The following CASK variants were observed in gnomAD, a reference collection of about 807,000 sequenced individuals.
CASK encodes the protein peripheral plasma membrane protein CASK.
In CASK, 4 loss-of-function variants were observed where a neutral mutation model predicts 82.9. The observed-to-expected ratio is 0.05, with a 90% CI of 0.02 to 0.11. The LOEUF is 0.11. Among genes scored for constraint, CASK ranks in the 10% least tolerant of loss-of-function variants. CASK has a pLI of 1.00. For missense variants in CASK, 358 were observed against 720.9 expected, an observed-to-expected ratio of 0.50 and a Z score of 5.76; for synonymous variants, 259 against 253.5, an observed-to-expected ratio of 1.02 and a Z score of -0.20.
chrX:41,693,638 C>G (rs1171153215), intron 5 of CASK, among the ~76,000 whole-genome samples: 1 of 111,336 alleles, frequency 9.0e-6, no homozygotes, highest in Non-Finnish European at 1.9e-5. Flanking sequence ...AACAAACAAA[C>G]AAACAAAAAC....
chrX:41,629,184 G>C (rs1026724270), intron 9 of CASK, among the ~76,000 whole-genome samples: 3 of 110,423 alleles, frequency 2.7e-5, no homozygotes, highest in African/African-American at 9.9e-5. Flanking sequence ...TCACTATATT[G>C]CTCAGGCTAG....
intron 19 of CASK, 32 bp from the exon 20 acceptor site, chrX:41,555,667 T>A: frequency 1.8e-6 from 2 of 1,113,335 alleles, no homozygotes; most frequent in Non-Finnish European, 2.5e-6. Flanking sequence ...GGAGAAAAAT[T>A]TTCATTTATT....
intron 5 of CASK, 113 bp downstream of exon 5, chrX:41,739,271 A>G (rs1166417419): frequency 5.6e-6 from 3 of 532,338 alleles, no homozygotes; most frequent in Non-Finnish European, 6.5e-6. Flanking sequence ...ATTTTTACTT[A>G]GAAGTAAAAT....
intron 3 of CASK, among the ~76,000 whole-genome samples, chrX:41,781,901 ATAAC>A (rs1487398549): frequency 1.1e-4 from 12 of 111,996 alleles, no homozygotes; most frequent in African/African-American, 3.2e-4. Context: ...CTTTTGAGAA[ATAAC>A]TAAGTTATTT....
intron 1 of CASK, among the ~76,000 whole-genome samples, chrX:41,898,651 C>T (rs1409315473): frequency 9.0e-6 from 1 of 111,571 alleles, no homozygotes; most frequent in Non-Finnish European, 1.9e-5. Flanking sequence ...TTTTCATTTG[C>T]CTCAAGATTT....
chrX:41,617,273 C>T (rs1382943275), intron 11 of CASK, among the ~76,000 whole-genome samples: 1 of 112,196 alleles, frequency 8.9e-6, no homozygotes, highest in Non-Finnish European at 1.9e-5. Flanking sequence ...CTCCTTGGAT[C>T]TGTCACCTCT....
At position 41,534,980 on chromosome X, in the gene CASK, C is replaced by A; in HGVS notation, c.2156-7G>T. ...AGATCTAATTGATCAAACACTAAAA[C>A]GCAAAGATTTAGAAGAAAGGTAAAT... On this transcript the variant is annotated splice_polypyrimidine_tract_variant and splice_region_variant and intron_variant, in intron 22 of 26. Transcript: ENST00000378163. 1 of 1,127,277 alleles carries A rather than the reference C, an allele frequency of 8.9e-7. No homozygotes were observed. Among genetic ancestry groups the A allele is most frequent in the East Asian group, 3.0e-5 (1 of 33,321 alleles). The allele number at this position is 1,127,277 out of a possible 1,213,427, so 92.9% of individuals were successfully genotyped here.
chrX:41,788,820 G>C (rs1354268407), intron 2 of CASK, among the ~76,000 whole-genome samples: 1 of 111,740 alleles, frequency 8.9e-6, no homozygotes, highest in Non-Finnish European at 1.9e-5. Context: ...GAGGAGTCAG[G>C]GTTGAGGTCA....
intron 5 of CASK, among the ~76,000 whole-genome samples, chrX:41,715,858 G>A (rs772341793): frequency 8.9e-6 from 1 of 112,310 alleles, no homozygotes; most frequent in African/African-American, 3.2e-5. Flanking sequence ...GCCCATGGCT[G>A]TGGGGCAGAT....
intron 5 of CASK, among the ~76,000 whole-genome samples, chrX:41,695,164 C>A (rs2067657417): frequency 9.0e-6 from 1 of 111,296 alleles, no homozygotes; most frequent in African/African-American, 3.3e-5. Flanking sequence ...AGGCCATGGC[C>A]ACAGGAAAGG....
intron 1 of CASK, among the ~76,000 whole-genome samples, chrX:41,893,201 T>C (rs1419635265): frequency 9.0e-6 from 1 of 111,601 alleles, no homozygotes; most frequent in South Asian, 3.8e-4. Context: ...ACCAGCAGGG[T>C]CTGTGACATT....
At chrX:41,829,082 C>T (rs1454765812) in intron 2 of CASK, among the ~76,000 whole-genome samples, 1 of 111,812 alleles carries the variant, frequency 8.9e-6, no homozygotes, top group Non-Finnish European at 1.9e-5. Context: ...TTAAATAGCC[C>T]AGACAGATCT....
intron 1 of CASK, among the ~76,000 whole-genome samples, chrX:41,869,824 A>C (rs1367101637): frequency 5.4e-4 from 55 of 101,512 alleles, no homozygotes; most frequent in Middle Eastern, 5.0e-3. Flanking sequence ...AAAAAAAAAA[A>C]AAAAAAAAAA....
chrX:41,668,803 C>T (rs1053324517), intron 6 of CASK, among the ~76,000 whole-genome samples: 3 of 109,482 alleles, frequency 2.7e-5, no homozygotes, highest in South Asian at 4.0e-4. Context: ...GGCAGTGGTG[C>T]GATCTCAGCT....
rs997522095 is a variant in CASK at position 41,786,990 on chromosome X, T to C, written c.278+188A>G. 1.6e-4 allele frequency: 69 copies of C among 425,438 alleles called. No homozygotes were observed. The Middle Eastern group carries it at 2.0e-3, about 12-fold the overall frequency. The allele number at this position is 425,438 out of a possible 1,213,427, so 35.1% of individuals were successfully genotyped here. A position where few individuals can be genotyped will look rare whatever the true frequency, so the allele number is the denominator to read the frequency against. The stretch of plus-strand genomic sequence containing the variant: ...TGAAAGCATGAAGAGTAACTGAATA[T>C]GCCCAGCTTTTGCTTCCTTTGCCAC... On this transcript the variant is annotated intron_variant, in intron 3 of 26. Transcript: ENST00000378163.
At chrX:41,600,789 C>T (rs996041336) in intron 12 of CASK, among the ~76,000 whole-genome samples, 8 of 111,813 alleles carry the variant, frequency 7.2e-5, no homozygotes, top group Admixed American at 3.8e-4. Flanking sequence ...GAATTCCCTA[C>T]GATTAGACAG....
At chrX:41,847,738 T>G (rs976885508) in intron 2 of CASK, among the ~76,000 whole-genome samples, 9 of 112,329 alleles carry the variant, frequency 8.0e-5, no homozygotes, top group African/African-American at 2.6e-4. Flanking sequence ...AGTGATTTTT[T>G]GGGGGAACAC....
At chrX:41,617,250 A>G (rs1048592385) in intron 11 of CASK, among the ~76,000 whole-genome samples, 92 of 112,120 alleles carry the variant, frequency 8.2e-4, no homozygotes, top group African/African-American at 2.9e-3. Flanking sequence ...CAATTCCAAC[A>G]GGTCTATTAA....
At chrX:41,856,846 A>C (rs1431359761) in intron 1 of CASK, among the ~76,000 whole-genome samples, 1 of 109,468 alleles carries the variant, frequency 9.1e-6, no homozygotes, top group Admixed American at 9.7e-5. Context: ...TGGAAACACA[A>C]GGCTGTTGAG....
Sources: allele counts gnomAD v4.1 joint callset (sites outside exome capture counted in the v4.1 genomes callset), GRCh38; gene constraint gnomAD v4.1.1; transcripts MANE v1.5; gene names NCBI Gene and HGNC (gene_info 2026-07-23, HGNC 2026-07-21).